The following DNAJC1 variants were observed in gnomAD, a reference collection of about 807,000 sequenced individuals.
DNAJC1 encodes DnaJ heat shock protein family (Hsp40) member C1.
In DNAJC1, 58 loss-of-function variants were observed where a neutral mutation model predicts 76.6. That is an observed-to-expected ratio of 0.76 (90% CI 0.61 to 0.94). The LOEUF (loss-of-function observed/expected upper bound fraction) is 0.94. DNAJC1 is among the 40% of genes least tolerant of loss of function. The probability of loss-of-function intolerance (pLI) is 0.00; values close to 1 mark genes in which losing one functional copy is unlikely to be tolerated. For synonymous variants in DNAJC1, 258 were observed against 267.9 expected, an observed-to-expected ratio of 0.96 and a Z score of 0.36; for missense variants, 689 against 677.3, an observed-to-expected ratio of 1.02 and a Z score of -0.19.
chr10:21,859,674 T>G (rs553270147), intron 8 of DNAJC1, among the ~76,000 whole-genome samples: 2 of 152,272 alleles, frequency 1.3e-5, no homozygotes, highest in East Asian at 3.9e-4. Flanking sequence ...CTATGGTCAT[T>G]CACTGCCATG....
intron 9 of DNAJC1, among the ~76,000 whole-genome samples, chr10:21,783,831 G>C (rs1016111422): frequency 1.5e-4 from 23 of 152,130 alleles, no homozygotes; most frequent in African/African-American, 5.6e-4. Flanking sequence ...AATGGTGCTG[G>C]GAAAACTGGC....
At chr10:21,780,748 T>C (rs974337162) in intron 9 of DNAJC1, among the ~76,000 whole-genome samples, 1 of 152,084 alleles carries the variant, frequency 6.6e-6, no homozygotes, top group African/African-American at 2.4e-5. Flanking sequence ...CATAACAATA[T>C]TAACCTTAAA....
chr10:21,920,928 C>G lies in DNAJC1; in HGVS notation c.407G>C (p.Trp136Ser). 1 of 1,611,654 alleles carries G rather than the reference C, an allele frequency of 6.2e-7. No individual in the cohort carries two copies. Among genetic ancestry groups the G allele is most frequent in the Non-Finnish European group, 8.5e-7 (1 of 1,178,670 alleles). ...CCTGTAGTAGAATACAGGCTGTCGC[C>G]AATCTGGAAGTCCATTGATCAGAAT... ...DDILINGLPDWRQPVFYYRRV... is the reference protein window; with the variant it reads ...DDILINGLPDSRQPVFYYRRV... Residue 136 changes from tryptophan to serine, a missense_variant, in exon 4 of 12, where the codon TGG (tryptophan) becomes TCG (serine). Trp to Ser is a radical substitution (Grantham distance 177). Coordinates refer to ENST00000376980, the MANE Select transcript of DNAJC1 (RefSeq NM_022365.4).
At chr10:21,757,615 C>G (rs67626393) in intron 11 of DNAJC1, among the ~76,000 whole-genome samples, 5,003 of 152,284 alleles carry the variant, frequency 0.033, 131 homozygotes, top group African/African-American at 0.069. Context: ...TGCCTAAGGT[C>G]TTTAAAGATA....
At chr10:21,822,372 G>A (rs1835174022) in intron 8 of DNAJC1, among the ~76,000 whole-genome samples, 1 of 152,052 alleles carries the variant, frequency 6.6e-6, no homozygotes, top group Admixed American at 6.6e-5. Flanking sequence ...CCAGGAGGCG[G>A]AGGTTGCAGT....
At chr10:21,838,588 C>T (rs1203279306) in intron 8 of DNAJC1, among the ~76,000 whole-genome samples, 9 of 152,188 alleles carry the variant, frequency 5.9e-5, no homozygotes, top group African/African-American at 2.4e-5. Context: ...TGCCAAATCC[C>T]CCTCCATGAG....
chr10:21,964,466 TC>T (rs1837855118), intron 1 of DNAJC1, among the ~76,000 whole-genome samples: 3 of 152,268 alleles, frequency 2.0e-5, no homozygotes, highest in African/African-American at 7.2e-5. Context: ...CCAGCCTTGG[TC>T]TCCCACAGTG....
chr10:21,815,101 G>T (rs946857189), intron 8 of DNAJC1, among the ~76,000 whole-genome samples: 2 of 152,156 alleles, frequency 1.3e-5, no homozygotes, highest in Non-Finnish European at 2.9e-5. Context: ...AACAGATGGC[G>T]CCAGACATGA....
intron 9 of DNAJC1, among the ~76,000 whole-genome samples, chr10:21,803,126 T>C (rs2131640163): frequency 6.6e-6 from 1 of 152,188 alleles, no homozygotes; most frequent in East Asian, 1.9e-4. Context: ...AATTGAGGAA[T>C]AAAAAGGTTT....
At chr10:21,891,908 G>A (rs781495142) in intron 7 of DNAJC1, among the ~76,000 whole-genome samples, 2 of 152,020 alleles carry the variant, frequency 1.3e-5, no homozygotes, top group Non-Finnish European at 2.9e-5. Flanking sequence ...ATGAGTAAAC[G>A]CAATAGACTT....
chr10:21,774,648 T>C (rs1156565295), intron 9 of DNAJC1, among the ~76,000 whole-genome samples: 10 of 152,128 alleles, frequency 6.6e-5, no homozygotes, highest in Admixed American at 6.5e-4. Flanking sequence ...CTAATTTTTG[T>C]TGTATTTTTT....
rs1201531263 is a variant in DNAJC1 at position 21,806,025 on chromosome 10, A to T, written c.1053T>A (p.Gly351=). The change falls in exon 9 of 12, where the codon GGT becomes GGA. Residue 351 remains glycine, a synonymous_variant. Transcript: ENST00000376980. ...ATTCGTGGGCAATCTTTTCCCATCG[A>T]CCTGGAGTCCCTCCTGGGAACTTAA... The part of the protein sequence containing the change: ...SMVKFPGGTP[G]RWEKIAHELG... The T allele has an allele frequency of 3.1e-6, 5 of 1,611,780 alleles. No homozygotes were observed. The highest frequency in any genetic ancestry group is 4.2e-6 in the Non-Finnish European group (5 of 1,179,680).
At position 21,882,321 on chromosome 10, in the gene DNAJC1, A is replaced by C. The variant is rs758046556; in HGVS notation, c.939T>G (p.Asp313Glu). 3 of 1,601,054 alleles carry C rather than the reference A, an allele frequency of 1.9e-6. 1 individual carries two copies. The South Asian group carries it at 3.4e-5, about 18-fold the overall frequency. Residue 313 changes from aspartate to glutamate, a missense_variant, in exon 8 of 12, where the codon GAT becomes GAG. By Grantham distance (45) the Asp-to-Glu change is conservative. Coordinates refer to ENST00000376980, the MANE Select transcript of DNAJC1 (RefSeq NM_022365.4). ...TTCGGTTCCTGTTTTCCAACCAATCATCCATTTGTTCCTCAATTTCTTCTA... is the reference window on the plus strand; with the variant it reads ...TTCGGTTCCTGTTTTCCAACCAATCCTCCATTTGTTCCTCAATTTCTTCTA... ...TSIEEIEEQM[D>E]DWLENRNRTQ... is the part of the protein sequence containing the mutation.
intron 7 of DNAJC1, among the ~76,000 whole-genome samples, chr10:21,898,759 G>A (rs1194253911): frequency 2.0e-5 from 3 of 151,406 alleles, no homozygotes; most frequent in African/African-American, 4.9e-5. Flanking sequence ...AGTACATGAC[G>A]AGGTTTTGCC....
rs762101486 is a variant in DNAJC1, at chr10:21,756,806, G to A, written c.1597-51C>T. 3.5e-5 allele frequency: 55 copies of A among 1,564,664 alleles called. No homozygotes were observed. The South Asian group carries it at 6.0e-4, about 17-fold the overall frequency. ...AGAACAGTCACTTGCACAAGTCAGTGTGGTCATCATGTGGCCGGTCTGCTG... is the reference window on the plus strand; with the variant it reads ...AGAACAGTCACTTGCACAAGTCAGTATGGTCATCATGTGGCCGGTCTGCTG... On this transcript the variant is annotated intron_variant, in intron 11 of 11. Transcript: ENST00000376980.
At chr10:21,832,047 G>A (rs1354816775) in intron 8 of DNAJC1, among the ~76,000 whole-genome samples, 1 of 152,046 alleles carries the variant, frequency 6.6e-6, no homozygotes, top group Non-Finnish European at 1.5e-5. Context: ...ATCTGAAGTA[G>A]AACAAGCAAT....
intron 11 of DNAJC1, among the ~76,000 whole-genome samples, chr10:21,758,290 T>A (rs1181241729): frequency 1.3e-5 from 2 of 152,162 alleles, no homozygotes; most frequent in Non-Finnish European, 2.9e-5. Flanking sequence ...AGATCGGGGC[T>A]TTTGATTCTC....
chr10:21,928,516 G>A lies in DNAJC1; in HGVS notation c.361C>T (p.Arg121Ter), dbSNP rs144492315. The A allele has an allele frequency of 3.7e-6, 6 of 1,612,672 alleles. No homozygotes were observed. The highest frequency in any genetic ancestry group is 2.2e-5 in the East Asian group (1 of 44,736). ...AIYEVLKDDE[R>*]RQRYDDILIN... The stretch of plus-strand genomic sequence containing the variant: ...GAAATGAACACTCACCTCTGCCTTC[G>A]TTCATCATCCTTTAAAACTTCATAA... The change falls in exon 3 of 12, where the codon CGA (arginine) becomes TGA (stop). Residue 121 changes from arginine to a stop codon, truncating the protein, a stop_gained. Transcript: ENST00000376980. LOFTEE classifies it high-confidence loss of function.
In DNAJC1 at chr10:21,837,936, G is replaced by A. The variant is rs1220626504; in HGVS notation, c.979-31837C>T. ...GGGAGGTGGCGGGCAGCCCCCGCCC[G>A]GCCAGCCGCCCCGGCCGGGAGGGAG... On this transcript the variant is annotated intron_variant, in intron 8 of 11. Transcript: ENST00000376980. 1.6e-4 allele frequency among the ~76,000 whole-genome samples: 23 copies of A among 140,574 alleles called. 1 individual carries two copies. Among genetic ancestry groups the A allele is most frequent in the East Asian group, 2.1e-4 (1 of 4,668 alleles). The allele number at this position is 140,574 out of a possible 152,430, so 92.2% of individuals were successfully genotyped here.
Sources: allele counts gnomAD v4.1 joint callset (sites outside exome capture counted in the v4.1 genomes callset), GRCh38; gene constraint gnomAD v4.1.1; transcripts MANE v1.5; gene names NCBI Gene and HGNC (gene_info 2026-07-23, HGNC 2026-07-21).